Variants in RASSF2 observed in about 807,000 individuals in gnomAD.
RASSF2 encodes ras association domain-containing protein 2.
In RASSF2, 34 loss-of-function variants were observed where a neutral mutation model predicts 46.3. The observed-to-expected ratio is 0.73, with a 90% CI of 0.56 to 0.98. The LOEUF (loss-of-function observed/expected upper bound fraction) is 0.98, where lower values mean the gene tolerates loss of function less well. Ranked by LOEUF, RASSF2 falls within the 50% of genes least tolerant of loss-of-function variation. RASSF2 has a pLI of 0.00. For synonymous variants in RASSF2, 158 were observed against 162.5 expected (o/e 0.97, Z 0.21); for missense variants, 364 against 431.2 (o/e 0.84, Z 1.38).
At chr20:4,799,394 AG>A (rs1438981807) in intron 3 of RASSF2, among the ~76,000 whole-genome samples, 3 of 152,144 alleles carry the variant, frequency 2.0e-5, no homozygotes. Context: ...GTGGGATGAG[AG>A]GGGCGAGAGG....
intron 2 of RASSF2, among the ~76,000 whole-genome samples, chr20:4,821,028 A>G (rs1600030272): frequency 6.6e-6 from 1 of 152,086 alleles, no homozygotes. Context: ...GCAGATGCAC[A>G]CCCTGGGCAC....
At chr20:4,792,701 G>T in intron 5 of RASSF2, 74 bp from the exon 6 acceptor site, 1 of 1,535,074 alleles carries the variant, frequency 6.5e-7, no homozygotes, top group Non-Finnish European at 8.8e-7. Context: ...CGCACCCGCT[G>T]GACCCCACTC....
chr20:4,799,519 C>G (rs543341997), intron 3 of RASSF2, among the ~76,000 whole-genome samples: 1 of 152,196 alleles, frequency 6.6e-6, no homozygotes, highest in Non-Finnish European at 1.5e-5. Context: ...GGAGTCAAGA[C>G]CCACTGGAAA....
Position 4,807,798 on chromosome 20 carries a change from A to G in RASSF2, c.-32-6736T>C, listed in dbSNP as rs141385477. On this transcript the variant is annotated intron_variant, in intron 2 of 11. Coordinates refer to ENST00000379400, the MANE Select transcript of RASSF2 (RefSeq NM_014737.3). ...CTTGGGAAAAAAGTGTTAAGAAAATATTTGCATAGCCTAACCCAAAGTTGA... is the reference window on the plus strand; with the variant it reads ...CTTGGGAAAAAAGTGTTAAGAAAATGTTTGCATAGCCTAACCCAAAGTTGA... Among the ~76,000 whole-genome samples the G allele has an allele frequency of 5.6e-3, 857 of 152,296 alleles. 8 individuals are homozygous for G. The highest frequency in any genetic ancestry group is 0.019 in the African/African-American group (789 of 41,556).
In RASSF2 at chr20:4,795,722, G is replaced by A. The variant is rs1926282526; in HGVS notation, c.287+93C>T. Reference sequence around the variant, plus strand: ...AGTAGGAGGAGGAGCCAGGGTCAGGGCTGGCTGGAAGAAGGCAGCATTTAT... The same window carrying A: ...AGTAGGAGGAGGAGCCAGGGTCAGGACTGGCTGGAAGAAGGCAGCATTTAT... On this transcript the variant is annotated intron_variant, in intron 5 of 11. Transcript: ENST00000379400. This position sits in a 1 kb window ranked among gnomAD's most constrained non-coding sequence, Gnocchi z 4.0. The A allele has an allele frequency of 1.4e-6, 2 of 1,465,254 alleles. No individual in the cohort carries two copies. Among genetic ancestry groups the A allele is most frequent in the Non-Finnish European group, 1.8e-6 (2 of 1,083,712 alleles). 90.8% of individuals were successfully genotyped at this position (1,465,254 alleles called of 1,614,324 possible). A position where few individuals can be genotyped will look rare whatever the true frequency, so the allele number is the denominator to read the frequency against.
chr20:4,806,629 A>G (rs1168951366), intron 2 of RASSF2, among the ~76,000 whole-genome samples: 1 of 151,866 alleles, frequency 6.6e-6, no homozygotes, highest in Non-Finnish European at 1.5e-5. Flanking sequence ...TTTTTCTTTT[A>G]TAGAGACAGG....
At chr20:4,786,614 C>T (rs2122419555) in intron 10 of RASSF2, among the ~76,000 whole-genome samples, 1 of 152,294 alleles carries the variant, frequency 6.6e-6, no homozygotes, top group Non-Finnish European at 1.5e-5. Flanking sequence ...TTTCTTTTGA[C>T]ACAGTGATGC....
In RASSF2 at chr20:4,813,248, C is replaced by T. The variant is rs546745118; in HGVS notation, c.-33+9081G>A. Among the ~76,000 whole-genome samples, 45 of 152,288 alleles carry T rather than the reference C, an allele frequency of 3.0e-4. 2 individuals carry two copies. The South Asian group carries it at 9.1e-3, about 31-fold the overall frequency. Reference sequence around the variant, plus strand: ...TCCCCGGAGCTGCCCCTGCCTGGCCCACCGACACAGGAGGAACTGAAACAC... The same window carrying T: ...TCCCCGGAGCTGCCCCTGCCTGGCCTACCGACACAGGAGGAACTGAAACAC... On this transcript the variant is annotated intron_variant, in intron 2 of 11. Coordinates refer to ENST00000379400, the MANE Select transcript of RASSF2 (RefSeq NM_014737.3).
rs764886904 is a variant in RASSF2, at chr20:4,790,504, G to C, written c.484C>G (p.Arg162Gly). ...GAGAAGCGGTGGCGTCTGATTCGCC[G>C]CTGGTCACTAGGCGTCCTCACATTG... is the stretch of plus-strand genomic sequence containing the variant. ...RGNVRTPSDQRRIRRHRFSIN... is the reference protein window; with the variant it reads ...RGNVRTPSDQGRIRRHRFSIN... Residue 162 changes from arginine (R) to glycine (G), a missense_variant, in exon 7 of 12, where the codon CGG becomes GGG. By Grantham distance (125) the Arg-to-Gly change is moderately radical. Coordinates refer to ENST00000379400, the MANE Select transcript of RASSF2 (RefSeq NM_014737.3). The surrounding 1 kb of genome is among the most constrained non-coding windows in gnomAD (Gnocchi z 4.3). 6.6e-7 allele frequency: 1 copy of C among 1,526,334 alleles called. No homozygotes were observed. 94.5% of individuals were successfully genotyped at this position (1,526,334 alleles called of 1,614,324 possible).
At chr20:4,785,963 T>G (rs754324240) in intron 11 of RASSF2, among the ~76,000 whole-genome samples, 1 of 152,172 alleles carries the variant, frequency 6.6e-6, no homozygotes, top group Non-Finnish European at 1.5e-5. Flanking sequence ...AACCAACACC[T>G]TCTTTTCAGA....
chr20:4,811,171 A>T (rs894949478), intron 2 of RASSF2, among the ~76,000 whole-genome samples: 23 of 84,962 alleles, frequency 2.7e-4, no homozygotes, highest in Non-Finnish European at 4.8e-4. Flanking sequence ...ACATTGTGAG[A>T]CCCCATCTCT....
In RASSF2 at chr20:4,823,337, C is replaced by T. The variant is rs1371100838; in HGVS notation, c.-108+220G>A. On this transcript the variant is annotated intron_variant, in intron 1 of 11. Transcript: ENST00000379400. Reference sequence around the variant, plus strand: ...TGCCTTCACCCCGGGCCAGCTGCATCGCGCCCGCGCCGCAGGAACCGTGGA... The same window carrying T: ...TGCCTTCACCCCGGGCCAGCTGCATTGCGCCCGCGCCGCAGGAACCGTGGA... 7.9e-5 allele frequency among the ~76,000 whole-genome samples: 12 copies of T among 151,990 alleles called. No homozygotes were observed. In the East Asian group the frequency reaches 1.8e-3, roughly 22 times the overall value.
At chr20:4,818,589 T>C (rs994971648) in intron 2 of RASSF2, among the ~76,000 whole-genome samples, 5 of 152,206 alleles carry the variant, frequency 3.3e-5, no homozygotes, top group Admixed American at 2.0e-4. Context: ...GGAATATTTA[T>C]TTATATCATA....
chr20:4,822,649 C>A (rs1411775563), intron 1 of RASSF2, among the ~76,000 whole-genome samples: 1 of 152,256 alleles, frequency 6.6e-6, no homozygotes, highest in Non-Finnish European at 1.5e-5. Flanking sequence ...CTGCCTCGCT[C>A]GGGGCGAGAG....
At chr20:4,794,491 C>T (rs1376365599) in intron 5 of RASSF2, among the ~76,000 whole-genome samples, 1 of 151,800 alleles carries the variant, frequency 6.6e-6, no homozygotes, top group African/African-American at 2.4e-5. Context: ...CGCTTGAACC[C>T]GAGAGGCAGA....
At chr20:4,797,501 T>C (rs1178205121) in intron 4 of RASSF2, among the ~76,000 whole-genome samples, 1 of 152,178 alleles carries the variant, frequency 6.6e-6, no homozygotes, top group Non-Finnish European at 1.5e-5. Flanking sequence ...TAAGCTCAGT[T>C]TCAGGATGGG....
Position 4,812,996 on chromosome 20 carries a change from G to T in RASSF2, c.-33+9333C>A, listed in dbSNP as rs1927950929. ...TGTGGGAAAAGCAGACCCTGCAGGG[G>T]CCAGGGAGAGAGGCCCAGAGCCGCA... On this transcript the variant is annotated intron_variant, in intron 2 of 11. Transcript: ENST00000379400. This position sits in a 1 kb window ranked among gnomAD's most constrained non-coding sequence, Gnocchi z 4.0. Among the ~76,000 whole-genome samples, 2 of 152,178 alleles carry T rather than the reference G, an allele frequency of 1.3e-5. No homozygotes were observed.
At chr20:4,791,232 G>T (rs2122472723) in intron 6 of RASSF2, among the ~76,000 whole-genome samples, 1 of 152,260 alleles carries the variant, frequency 6.6e-6, no homozygotes, top group South Asian at 2.1e-4. Context: ...GAGTAGAATG[G>T]TGGTTGCCAG....
intron 2 of RASSF2, among the ~76,000 whole-genome samples, chr20:4,817,639 C>T (rs1013004832): frequency 3.3e-5 from 5 of 152,152 alleles, no homozygotes; most frequent in Non-Finnish European, 7.4e-5. Context: ...CCCTCCCCAC[C>T]TCTCCAGGCC....
Sources: gnomAD v4.1 joint callset for allele counts (sites outside exome capture counted in the v4.1 genomes callset) on GRCh38, gnomAD v4.1.1 for gene constraint, Gnocchi (gnomAD v3.1) non-coding constraint, MANE v1.5 for transcripts, NCBI Gene and HGNC (gene_info 2026-07-23, HGNC 2026-07-21) for gene names.